Variants in CTCFL observed in about 807,000 individuals in gnomAD.
CTCFL encodes transcriptional repressor CTCFL.
CTCFL carries 36 observed loss-of-function variants against 67.4 expected under a neutral mutation model. The observed-to-expected ratio is 0.53, with a 90% CI of 0.41 to 0.71. CTCFL has a LOEUF of 0.71. CTCFL is among the 30% of genes least tolerant of loss of function. The pLI is 0.00. For synonymous variants in CTCFL, 324 were observed against 302.3 expected, an observed-to-expected ratio of 1.07 and a Z score of -0.75; for missense variants, 786 against 835.2, an observed-to-expected ratio of 0.94 and a Z score of 0.73.
At chr20:57,518,012 T>C (rs994318890) in intron 5 of CTCFL, among the ~76,000 whole-genome samples, 3 of 152,194 alleles carry the variant, frequency 2.0e-5, no homozygotes, top group African/African-American at 7.2e-5. Context: ...CCATGAAATT[T>C]CCCAATTTGT....
intron 5 of CTCFL, 137 bp downstream of exon 5, chr20:57,518,618 ATAT>A (rs1374447062): frequency 6.5e-7 from 1 of 1,543,628 alleles, no homozygotes; most frequent in East Asian, 2.3e-5. Context: ...AAGAGAATGC[ATAT>A]TATTTCCTGC....
intron 7 of CTCFL, among the ~76,000 whole-genome samples, chr20:57,514,194 A>G (rs1027429377): frequency 4.6e-5 from 7 of 152,196 alleles, no homozygotes; most frequent in African/African-American, 1.7e-4. Context: ...GGTGCCATAG[A>G]TAGAGCACTG....
intron 9 of CTCFL, among the ~76,000 whole-genome samples, chr20:57,504,262 C>T (rs1448815250): frequency 6.1e-5 from 9 of 147,508 alleles, no homozygotes; most frequent in Non-Finnish European, 1.3e-4. Context: ...AGGCATGAGC[C>T]ACTGCACCCG....
intron 6 of CTCFL, chr20:57,514,955 C>T (rs989283406): frequency 1.8e-6 from 1 of 565,112 alleles, no homozygotes; most frequent in Non-Finnish European, 3.1e-6. Flanking sequence ...CATGACTTCC[C>T]CGCATCTGGT....
At chr20:57,511,720 T>A (rs2068573414) in intron 8 of CTCFL, among the ~76,000 whole-genome samples, 1 of 151,864 alleles carries the variant, frequency 6.6e-6, no homozygotes, top group Admixed American at 6.6e-5. Flanking sequence ...GCCTCCTGAG[T>A]AGCTGGGACT....
At chr20:57,521,725 T>G (rs901940457) in intron 3 of CTCFL, among the ~76,000 whole-genome samples, 1 of 152,208 alleles carries the variant, frequency 6.6e-6, no homozygotes, top group Non-Finnish European at 1.5e-5. Flanking sequence ...ATACAGGGAT[T>G]ATTACTTAGC....
intron 8 of CTCFL, 91 bp from the exon 9 acceptor site, chr20:57,508,879 C>T: frequency 1.7e-6 from 2 of 1,189,446 alleles, no homozygotes; most frequent in Non-Finnish European, 2.4e-6. Context: ...TTTTATTTCC[C>T]TCCCCAAAGA....
intron 8 of CTCFL, among the ~76,000 whole-genome samples, chr20:57,511,163 T>A (rs971082748): frequency 4.6e-5 from 7 of 152,168 alleles, no homozygotes; most frequent in African/African-American, 1.7e-4. Context: ...AACCTTAGCC[T>A]CCTGAGTAGC....
intron 3 of CTCFL, among the ~76,000 whole-genome samples, chr20:57,519,634 G>T (rs1057067356): frequency 1.1e-4 from 16 of 152,168 alleles, no homozygotes; most frequent in African/African-American, 3.6e-4. Flanking sequence ...CATCCTTCTT[G>T]CTGAGAAAAA....
At chr20:57,503,970 T>G (rs142857102) in intron 9 of CTCFL, among the ~76,000 whole-genome samples, 2 of 150,834 alleles carry the variant, frequency 1.3e-5, no homozygotes, top group East Asian at 3.9e-4. Flanking sequence ...GATAGAAACC[T>G]AAAACAATAG....
intron 3 of CTCFL, among the ~76,000 whole-genome samples, chr20:57,519,879 G>A (rs867260347): frequency 6.6e-6 from 1 of 152,276 alleles, no homozygotes; most frequent in Middle Eastern, 3.4e-3. Context: ...TAAGTCATGT[G>A]TGACTCTTAA....
intron 9 of CTCFL, chr20:57,507,355 C>A: frequency 3.6e-6 from 2 of 552,934 alleles, no homozygotes; most frequent in Non-Finnish European, 6.5e-6. Flanking sequence ...CCACGCCTAG[C>A]TATTTTCTTT....
rs916203656 is a variant in CTCFL at position 57,497,220 on chromosome 20, CA to C, written c.*1329del. On this transcript the variant is annotated 3_prime_UTR_variant, in exon 11 of 11. Transcript: ENST00000243914. ...AATTATGTAAAACATCTTTAAATAA[CA>C]GTAAAAAAATTAAGAAACCATTGCA... 1.7e-5 allele frequency: 16 copies of C among 952,578 alleles called. No individual in the cohort carries two copies. The South Asian group carries it at 5.8e-4, about 35-fold the overall frequency. 59.0% of individuals were successfully genotyped at this position (952,578 alleles called of 1,614,324 possible).
At chr20:57,524,479 AGC>A in intron 1 of CTCFL, 1 of 1,275,896 alleles carries the variant, frequency 7.8e-7, no homozygotes, top group Non-Finnish European at 9.9e-7. Flanking sequence ...GCTTAGGGCC[AGC>A]ACACATCCTG....
At chr20:57,512,501 T>C (rs2068628448) in intron 8 of CTCFL, 91 bp downstream of exon 8, 1 of 1,297,890 alleles carries the variant, frequency 7.7e-7, no homozygotes, top group Non-Finnish European at 1.1e-6. Flanking sequence ...AGCATGACTT[T>C]TCTCAGTATC....
At chr20:57,503,289 G>T in intron 10 of CTCFL, 147 bp downstream of exon 10, 1 of 883,768 alleles carries the variant, frequency 1.1e-6, no homozygotes, top group African/African-American at 1.7e-5. Context: ...CATTCTGAGA[G>T]ATCTGGCACA....
At chr20:57,499,074 G>GGGGGGGT (rs2067785330) in intron 10 of CTCFL, among the ~76,000 whole-genome samples, 1 of 21,760 alleles carries the variant, frequency 4.6e-5, no homozygotes, top group East Asian at 1.4e-3. Context: ...TGAAGGTGAC[G>GGGGGGGT]GGGGGGGGGT....
At chr20:57,509,119 C>A (rs144160200) in intron 8 of CTCFL, among the ~76,000 whole-genome samples, 2 of 152,146 alleles carry the variant, frequency 1.3e-5, no homozygotes, top group Non-Finnish European at 2.9e-5. Context: ...TCCTTCTATA[C>A]AACTATTTAC....
At position 57,504,912 on chromosome 20, in the gene CTCFL, G is replaced by A. The variant is rs191213274; in HGVS notation, c.1675-1311C>T. On this transcript the variant is annotated intron_variant, in intron 9 of 10. Transcript: ENST00000243914. ...TTTTAGGGCAAGGTATCCTCCATGC[G>A]CTGATTTATAATTTTGTCTGTAGCT... is the stretch of plus-strand genomic sequence containing the variant. Among the ~76,000 whole-genome samples, 32 of 151,984 alleles carry A rather than the reference G, an allele frequency of 2.1e-4. 3 individuals carry two copies. Among genetic ancestry groups the A allele is most frequent in the Admixed American group, 3.9e-4 (6 of 15,260 alleles).
Sources: allele counts gnomAD v4.1 joint callset (sites outside exome capture counted in the v4.1 genomes callset), GRCh38; gene constraint gnomAD v4.1.1; transcripts MANE v1.5; gene names NCBI Gene and HGNC (gene_info 2026-07-23, HGNC 2026-07-21).